The following MACROD2 variants were observed in gnomAD, a reference collection of about 807,000 sequenced individuals.
MACROD2 encodes mono-ADP ribosylhydrolase 2, also known as ADP-ribose glycohydrolase MACROD2.
A neutral mutation model predicts 70.4 loss-of-function variants in MACROD2; 36 were observed. The ratio of observed to expected loss-of-function variants is 0.51; its 90% CI spans 0.39 to 0.68. The LOEUF (loss-of-function observed/expected upper bound fraction) is 0.68, where lower values mean the gene tolerates loss of function less well. Ranked by LOEUF, MACROD2 falls within the 30% of genes least tolerant of loss-of-function variation. The pLI, the probability that MACROD2 is intolerant of heterozygous loss-of-function variation, is 0.00. For synonymous variants in MACROD2, 172 were observed against 178.8 expected (o/e 0.96, Z 0.30); for missense variants, 496 against 538.4 (o/e 0.92, Z 0.78).
intron 5 of MACROD2, among the ~76,000 whole-genome samples, chr20:15,161,023 T>C (rs1658325904): frequency 6.6e-6 from 1 of 151,974 alleles, no homozygotes; most frequent in African/African-American, 2.4e-5. Context: ...TTGATGAAAA[T>C]GTCATAAGGT....
chr20:15,163,768 C>G (rs1474472018), intron 5 of MACROD2, among the ~76,000 whole-genome samples: 1 of 151,670 alleles, frequency 6.6e-6, no homozygotes, highest in Non-Finnish European at 1.5e-5. Context: ...ACATGTGGTC[C>G]ACAAAGCCTG....
chr20:15,632,502 G>T (rs551968361), intron 8 of MACROD2, among the ~76,000 whole-genome samples: 1 of 152,122 alleles, frequency 6.6e-6, no homozygotes, highest in African/African-American at 2.4e-5. Flanking sequence ...ATCAAAAATT[G>T]TCCCAAAGTA....
At chr20:15,784,893 A>G (rs1265066022) in intron 8 of MACROD2, among the ~76,000 whole-genome samples, 1 of 152,082 alleles carries the variant, frequency 6.6e-6, no homozygotes, top group African/African-American at 2.4e-5. Context: ...TCATGCCTGT[A>G]ATCCCAGCAC....
intron 17 of MACROD2, among the ~76,000 whole-genome samples, chr20:16,046,999 A>G (rs941890611): frequency 1.1e-4 from 17 of 152,314 alleles, no homozygotes; most frequent in African/African-American, 4.1e-4. Flanking sequence ...TAGTTTAAGG[A>G]AACTAAATTC....
chr20:15,702,199 T>C (rs1420333191), intron 8 of MACROD2, among the ~76,000 whole-genome samples: 1 of 152,250 alleles, frequency 6.6e-6, no homozygotes, highest in Non-Finnish European at 1.5e-5. Flanking sequence ...GATTGCTGGG[T>C]CAAATGGTAT....
intron 3 of MACROD2, among the ~76,000 whole-genome samples, chr20:14,283,431 A>T (rs2082321701): frequency 6.6e-6 from 1 of 152,144 alleles, no homozygotes; most frequent in South Asian, 2.1e-4. Context: ...CCACTCCAAT[A>T]TCAGTCTGTT....
chr20:15,805,304 A>T (rs1349947313), intron 8 of MACROD2, among the ~76,000 whole-genome samples: 1 of 152,104 alleles, frequency 6.6e-6, no homozygotes, highest in African/African-American at 2.4e-5. Context: ...TTGTTAAAGG[A>T]AAATGATCCT....
chr20:15,280,399 C>A (rs1286208791), intron 6 of MACROD2, among the ~76,000 whole-genome samples: 1 of 152,064 alleles, frequency 6.6e-6, no homozygotes, highest in African/African-American at 2.4e-5. Flanking sequence ...CTGCAGACAT[C>A]TCAGTTAAGC....
chr20:15,125,551 G>A (rs541920974), intron 5 of MACROD2, among the ~76,000 whole-genome samples: 22 of 152,082 alleles, frequency 1.4e-4, no homozygotes, highest in African/African-American at 5.1e-4. Context: ...TTCTGCTGAG[G>A]AAAGTAGGGG....
At chr20:15,854,754 A>G (rs2064338754) in intron 8 of MACROD2, among the ~76,000 whole-genome samples, 1 of 152,064 alleles carries the variant, frequency 6.6e-6, no homozygotes, top group Non-Finnish European at 1.5e-5. Context: ...ATCTGTAGTG[A>G]TTGCTTCCCT....
At chr20:15,026,061 G>T (rs2075228876) in intron 5 of MACROD2, among the ~76,000 whole-genome samples, 2 of 152,114 alleles carry the variant, frequency 1.3e-5, no homozygotes. Context: ...AGCTGACAAA[G>T]AATTTATAAC....
At chr20:14,076,625 G>A (rs547035426) in intron 2 of MACROD2, among the ~76,000 whole-genome samples, 1 of 152,290 alleles carries the variant, frequency 6.6e-6, no homozygotes, top group South Asian at 2.1e-4. Flanking sequence ...GTTGCAGTGA[G>A]CTGAGATTTC....
At chr20:14,705,998 G>A (rs755735304) in intron 5 of MACROD2, among the ~76,000 whole-genome samples, 1 of 150,832 alleles carries the variant, frequency 6.6e-6, no homozygotes, top group Non-Finnish European at 1.5e-5. Context: ...CTTTTATTTT[G>A]ATTGATATTG....
chr20:14,613,296 A>G (rs1307897220), intron 4 of MACROD2, among the ~76,000 whole-genome samples: 1 of 152,240 alleles, frequency 6.6e-6, no homozygotes, highest in Admixed American at 6.5e-5. Flanking sequence ...ATTCCCCAGA[A>G]CCATGCTTTA....
chr20:15,186,917 G>A (rs143453470), intron 5 of MACROD2, among the ~76,000 whole-genome samples: 21 of 152,206 alleles, frequency 1.4e-4, no homozygotes, highest in Non-Finnish European at 2.5e-4. Flanking sequence ...TAATCATGAC[G>A]CATATTTTAA....
At chr20:15,515,399 T>C (rs1193751706) in intron 8 of MACROD2, among the ~76,000 whole-genome samples, 1 of 152,236 alleles carries the variant, frequency 6.6e-6, no homozygotes, top group Non-Finnish European at 1.5e-5. Flanking sequence ...CACATGGCTC[T>C]TGAGATTACA....
chr20:14,874,660 CA>C (rs1600754450), intron 5 of MACROD2, among the ~76,000 whole-genome samples: 1 of 150,374 alleles, frequency 6.7e-6, no homozygotes, highest in South Asian at 2.1e-4. Context: ...ATAACATGAA[CA>C]AAAAAGGTTG....
chr20:15,064,685 C>A (rs1353354306), intron 5 of MACROD2, among the ~76,000 whole-genome samples: 1 of 152,228 alleles, frequency 6.6e-6, no homozygotes, highest in Non-Finnish European at 1.5e-5. Flanking sequence ...CAGGCAAATG[C>A]AGCCATCCAT....
chr20:14,344,549 T>G (rs951311350), intron 3 of MACROD2, among the ~76,000 whole-genome samples: 3 of 152,204 alleles, frequency 2.0e-5, no homozygotes, highest in Non-Finnish European at 4.4e-5. Context: ...GTTTTGTTTG[T>G]TTTTTGTTTT....
Sources: allele counts gnomAD v4.1 joint callset (sites outside exome capture counted in the v4.1 genomes callset), GRCh38; gene constraint gnomAD v4.1.1; transcripts MANE v1.5; gene names NCBI Gene and HGNC (gene_info 2026-07-23, HGNC 2026-07-21).